The following CGAS variants were observed in gnomAD, a reference collection of about 807,000 sequenced individuals.
CGAS encodes cyclic GMP-AMP synthase.
A neutral mutation model predicts 34.0 loss-of-function variants in CGAS; 31 were observed. The observed-to-expected ratio is 0.91, with a 90% CI of 0.69 to 1.23. The LOEUF (loss-of-function observed/expected upper bound fraction) is 1.23, where lower values mean the gene tolerates loss of function less well. Among genes scored for constraint, CGAS ranks in the 50% most tolerant of loss-of-function variants. The pLI, the probability that CGAS is intolerant of heterozygous loss-of-function variation, is 0.00. For missense variants in CGAS, 597 were observed against 657.6 expected (o/e 0.91, Z 1.01); for synonymous variants, 266 against 260.0 (o/e 1.02, Z -0.22).
chr6:73,451,964 G>A lies in CGAS; in HGVS notation c.218C>T (p.Pro73Leu), dbSNP rs1467874488. 1 of 1,485,870 alleles carries A rather than the reference G, an allele frequency of 6.7e-7. No homozygotes were observed. The highest frequency in any genetic ancestry group is 9.0e-7 in the Non-Finnish European group (1 of 1,116,572). 92.0% of individuals were successfully genotyped at this position (1,485,870 alleles called of 1,614,324 possible). The change falls in exon 1 of 5, where the codon CCC (proline) becomes CTC (leucine). Residue 73 changes from proline (P) to leucine (L), a missense_variant. Transcript: ENST00000370315. ...KSAPDTQERP[P>L]VRATGARAKK... is the part of the protein sequence containing the mutation. ...GGCGCGGGCCCCAGTTGCGCGGACG[G>A]GCGGCCTCTCCTGGGTGTCCGGGGC...
At chr6:73,435,968 C>G (rs1012953967) in intron 3 of CGAS, among the ~76,000 whole-genome samples, 10 of 151,988 alleles carry the variant, frequency 6.6e-5, no homozygotes, top group Admixed American at 1.3e-4. Context: ...AGTTTTTTGT[C>G]CTTAAGATAA....
At chr6:73,441,254 A>G (rs1212524119) in intron 2 of CGAS, among the ~76,000 whole-genome samples, 3 of 151,748 alleles carry the variant, frequency 2.0e-5, no homozygotes, top group Non-Finnish European at 4.4e-5. Flanking sequence ...GTGCCTGGTT[A>G]AATTTTCATT....
At chr6:73,428,589 C>T (rs1161245201) in intron 4 of CGAS, 120 bp downstream of exon 4, 2 of 805,038 alleles carry the variant, frequency 2.5e-6, no homozygotes, top group Non-Finnish European at 3.9e-6. Flanking sequence ...CCAGCTCAAC[C>T]CAATCCTGCC....
intron 3 of CGAS, among the ~76,000 whole-genome samples, chr6:73,438,694 C>A (rs1477232161): frequency 1.4e-3 from 163 of 116,722 alleles, no homozygotes; most frequent in African/African-American, 1.6e-3. Context: ...GAATCCGTCT[C>A]AAAAAAAAAA....
intron 3 of CGAS, among the ~76,000 whole-genome samples, chr6:73,436,227 T>G (rs1770277242): frequency 6.6e-6 from 1 of 151,908 alleles, no homozygotes. Context: ...ATTTCCCTAT[T>G]ATTAACATCC....
chr6:73,450,905 G>C (rs546289175), intron 1 of CGAS, among the ~76,000 whole-genome samples: 3 of 151,388 alleles, frequency 2.0e-5, no homozygotes, highest in South Asian at 2.1e-4. Flanking sequence ...CAGGAGAATG[G>C]CGTGAACCCG....
chr6:73,441,235 T>C (rs1770375194), intron 2 of CGAS, among the ~76,000 whole-genome samples: 1 of 151,852 alleles, frequency 6.6e-6, no homozygotes, highest in Admixed American at 6.6e-5. Flanking sequence ...ATTACAGGCA[T>C]GTGCCACTGT....
At chr6:73,425,972 C>T (rs1770079922) in intron 4 of CGAS, among the ~76,000 whole-genome samples, 1 of 146,976 alleles carries the variant, frequency 6.8e-6, no homozygotes, top group African/African-American at 2.5e-5. Context: ...GAAACTCTGT[C>T]ACACACAGAA....
At chr6:73,429,467 T>A (rs1382065968) in intron 3 of CGAS, among the ~76,000 whole-genome samples, 1 of 152,196 alleles carries the variant, frequency 6.6e-6, no homozygotes, top group African/African-American at 2.4e-5. Context: ...TTACAGGTTT[T>A]ATATTAATAC....
intron 3 of CGAS, 30 bp from the exon 4 acceptor site, chr6:73,428,841 A>C (rs1261368757): frequency 6.4e-7 from 1 of 1,571,790 alleles, no homozygotes; most frequent in African/African-American, 1.4e-5. Flanking sequence ...ACAAAAAAGC[A>C]CTTTACCCAA....
At chr6:73,427,776 C>T (rs530883653) in intron 4 of CGAS, among the ~76,000 whole-genome samples, 1 of 152,214 alleles carries the variant, frequency 6.6e-6, no homozygotes, top group African/African-American at 2.4e-5. Flanking sequence ...GGTGACCAGC[C>T]TGCCTGGGCA....
Position 73,426,281 on chromosome 6 carries a change from CAAAAT to C in CGAS, c.1218-708_1218-704del, listed in dbSNP as rs566739528. ...CTGGGCAACAAGTGAGACTCCATCT[CAAAAT>C]AAAATAAAATAAAATAAAATAAAAT... On this transcript the variant is annotated intron_variant, in intron 4 of 4. Transcript: ENST00000370315. Among the ~76,000 whole-genome samples, 1,027 of 144,782 alleles carry C rather than the reference CAAAAT, an allele frequency of 7.1e-3. 16 individuals carry two copies. Among genetic ancestry groups the C allele is most frequent in the African/African-American group, 0.025 (956 of 38,950 alleles). The allele number at this position is 144,782 out of a possible 152,430, so 95.0% of individuals were successfully genotyped here.
rs535004594 is a variant in CGAS at position 73,449,163 on chromosome 6, T to C, written c.657+2362A>G. 1.3e-4 allele frequency among the ~76,000 whole-genome samples: 20 copies of C among 152,154 alleles called. No homozygotes were observed. The East Asian group carries it at 2.1e-3, about 16-fold the overall frequency. On this transcript the variant is annotated intron_variant, in intron 1 of 4. Transcript: ENST00000370315. ...ACAAATTTCACTGGATTTCTTTTCA[T>C]TGGCATAATTTTTAAAAACAAAGTG...
chr6:73,445,133 C>A (rs1770448112), intron 2 of CGAS, among the ~76,000 whole-genome samples: 3 of 151,938 alleles, frequency 2.0e-5, no homozygotes. Flanking sequence ...ATTTGGGAGT[C>A]ATCATCATAT....
At chr6:73,426,522 AT>A (rs113279771) in intron 4 of CGAS, among the ~76,000 whole-genome samples, 7,869 of 140,526 alleles carry the variant, frequency 0.056, 264 homozygotes, top group African/African-American at 0.11. Flanking sequence ...TATTTATACT[AT>A]TTTTTTTTTT....
chr6:73,445,343 T>C (rs533942198), intron 2 of CGAS, among the ~76,000 whole-genome samples, 185 bp downstream of exon 2: 1 of 151,648 alleles, frequency 6.6e-6, no homozygotes, highest in African/African-American at 2.4e-5. Flanking sequence ...TACCCTTCTG[T>C]ACTTTATAAT....
At position 73,451,577 on chromosome 6, in the gene CGAS, G is replaced by A. The variant is rs1770565998; in HGVS notation, c.605C>T (p.Ala202Val). The A allele has an allele frequency of 3.7e-6, 6 of 1,611,662 alleles. No individual in the cohort carries two copies. The highest frequency in any genetic ancestry group is 5.1e-6 in the Non-Finnish European group (6 of 1,179,062). ...HLLLRLKCDSAFRGVGLLNTG... is the reference protein window; with the variant it reads ...HLLLRLKCDSVFRGVGLLNTG... The stretch of plus-strand genomic sequence containing the variant: ...GTTCAGCAGCCCGACGCCTCTGAAC[G>A]CGGAGTCGCACTTCAGTCTGAGCAG... The change falls in exon 1 of 5, where the codon GCG becomes GTG. Residue 202 changes from alanine to valine, a missense_variant. Around this residue, in one of 3 missense-constraint regions of CGAS, gnomAD observed 321 missense variants for 314.3 expected, o/e 1.02. Coordinates refer to ENST00000370315, the MANE Select transcript of CGAS (RefSeq NM_138441.3).
chr6:73,438,116 T>A (rs1004000120), intron 3 of CGAS, among the ~76,000 whole-genome samples: 3 of 152,278 alleles, frequency 2.0e-5, no homozygotes, highest in East Asian at 1.9e-4. Context: ...ATAATATTTT[T>A]AAAAATATAG....
In CGAS at chr6:73,440,259, T is replaced by C. The variant is rs1425856937; in HGVS notation, c.1064A>G (p.Lys355Arg). 1 of 1,614,196 alleles carries C rather than the reference T, an allele frequency of 6.2e-7. No individual in the cohort carries two copies. Among genetic ancestry groups the C allele is most frequent in the Admixed American group, 1.7e-5 (1 of 60,002 alleles). The stretch of plus-strand genomic sequence containing the variant: ...ATGCTTGGGTACAAGGTAAAATGGC[T>C]TTAGTCGTAGTTGCTTCCTAACTTT... ...SAKVRKQLRL[K>R]PFYLVPKHAK... The change falls in exon 3 of 5, where the codon AAG (lysine) becomes AGG (arginine). Residue 355 changes from lysine (K) to arginine (R), a missense_variant. Physicochemically the swap from Lys to Arg is conservative, Grantham distance 26. Coordinates refer to ENST00000370315, the MANE Select transcript of CGAS (RefSeq NM_138441.3).
Sources: allele counts gnomAD v4.1 joint callset (sites outside exome capture counted in the v4.1 genomes callset), GRCh38; gene constraint gnomAD v4.1.1; regional missense constraint gnomAD v4.1.1; transcripts MANE v1.5; gene names NCBI Gene and HGNC (gene_info 2026-07-23, HGNC 2026-07-21).